KIF17: variants seen among roughly 807,000 people sequenced by gnomAD.
KIF17 encodes kinesin-like protein KIF17.
KIF17 carries 80 observed loss-of-function variants against 96.8 expected under a neutral mutation model. The ratio of observed to expected loss-of-function variants is 0.83; its 90% CI spans 0.69 to 1.00. The LOEUF (loss-of-function observed/expected upper bound fraction) is 1.00. Ranked by LOEUF, KIF17 falls within the 50% of genes least tolerant of loss-of-function variation. The probability of loss-of-function intolerance (pLI) is 0.00; values close to 1 mark genes in which losing one functional copy is unlikely to be tolerated. For missense variants in KIF17, 1,280 were observed against 1,372.9 expected (o/e 0.93, Z 1.07); for synonymous variants, 567 against 587.5 (o/e 0.97, Z 0.51).
At chr1:20,715,333 G>GT (rs1234044872) in intron 2 of KIF17, among the ~76,000 whole-genome samples, 160 bp downstream of exon 2, 2 of 152,176 alleles carry the variant, frequency 1.3e-5, no homozygotes, top group Admixed American at 6.5e-5. Flanking sequence ...TCTGTTCTAA[G>GT]TTTTTTTCCC....
rs553811083 is a variant in KIF17 at position 20,714,462 on chromosome 1, C to T, written c.379-907G>A. ...CCAAGATCGCGCCATTGCACTCCAG[C>T]CTGGGCGAAAGAGCAAGACTCCGTC... On this transcript the variant is annotated intron_variant, in intron 2 of 14. Coordinates refer to ENST00000400463, the MANE Select transcript of KIF17 (RefSeq NM_001122819.3). Among the ~76,000 whole-genome samples, 4 of 152,080 alleles carry T rather than the reference C, an allele frequency of 2.6e-5. No individual in the cohort carries two copies. The South Asian group carries it at 8.3e-4, about 32-fold the overall frequency.
chr1:20,717,410 C>A (rs962478008), intron 1 of KIF17, 66 bp downstream of exon 1: 1 of 1,577,638 alleles, frequency 6.3e-7, no homozygotes, highest in Non-Finnish European at 8.6e-7. Context: ...CAGCGCAGCC[C>A]CCTGGGGACT....
chr1:20,673,260 G>A (rs1307017780), intron 11 of KIF17, among the ~76,000 whole-genome samples: 1 of 152,034 alleles, frequency 6.6e-6, no homozygotes, highest in Admixed American at 6.6e-5. Context: ...AAAGAAGGAT[G>A]TTTGAATTCA....
Position 20,690,200 on chromosome 1 carries a change from G to A in KIF17, c.1369C>T (p.Arg457Trp), listed in dbSNP as rs746302711. The change falls in exon 7 of 15, where the codon CGG becomes TGG. Residue 457 changes from arginine to tryptophan, a missense_variant. By Grantham distance (101) the Arg-to-Trp change is moderately radical (BLOSUM62 -3). Transcript: ENST00000400463. ...AAGGGGTGCCCACCTGTCTCCTTCC[G>A]CAGGTTCTCCTCCAGCGTGGACAGC... Reference protein sequence around the residue: ...VRLSTLEENLRKETEAVLQVG... With the variant: ...VRLSTLEENLWKETEAVLQVG... The A allele has an allele frequency of 2.0e-5, 33 of 1,614,012 alleles. No homozygotes were observed. Among genetic ancestry groups the A allele is most frequent in the Admixed American group, 6.7e-5 (4 of 60,008 alleles).
intron 12 of KIF17, 94 bp downstream of exon 12, chr1:20,671,844 A>C (rs2053652519): frequency 1.4e-6 from 2 of 1,473,896 alleles, no homozygotes; most frequent in Admixed American, 1.7e-5. Flanking sequence ...CTACACCCAC[A>C]GCCTGCAAGG....
Position 20,709,752 on chromosome 1 carries a change from TCACACTGGGC to T in KIF17, c.547_556del (p.Ala183SerfsTer17). The T allele has an allele frequency of 6.2e-7, 1 of 1,614,122 alleles. No individual in the cohort carries two copies. Among genetic ancestry groups the T allele is most frequent in the Non-Finnish European group, 8.5e-7 (1 of 1,180,030 alleles). On this transcript the variant is annotated frameshift_variant, in exon 4 of 15. Transcript: ENST00000400463. LOFTEE classifies it high-confidence loss of function. The surrounding 1 kb of genome is among the most constrained non-coding windows in gnomAD (Gnocchi z 4.7). The stretch of plus-strand genomic sequence containing the variant: ...CTTCCAGCCAGTCTCCATGATGTGC[TCACACTGGGC>T]CACGCTGTGCACCGTGTGCATGGAC...
Position 20,664,366 on chromosome 1 carries a change from T to C in KIF17, c.*218A>G. Reference sequence around the variant, plus strand: ...GTGGTATGAACAGCTGGAGCAGGCCTCTCTAAGGAGGACTATACAGCCTCC... The same window carrying C: ...GTGGTATGAACAGCTGGAGCAGGCCCCTCTAAGGAGGACTATACAGCCTCC... On this transcript the variant is annotated 3_prime_UTR_variant, in exon 15 of 15. Transcript: ENST00000400463. 1 of 1,439,430 alleles carries C rather than the reference T, an allele frequency of 6.9e-7. No homozygotes were observed. The highest frequency in any genetic ancestry group is 1.4e-5 in the African/African-American group (1 of 70,064). 89.2% of individuals were successfully genotyped at this position (1,439,430 alleles called of 1,614,324 possible).
At chr1:20,683,636 C>G (rs570482610) in intron 10 of KIF17, among the ~76,000 whole-genome samples, 59 of 152,124 alleles carry the variant, frequency 3.9e-4, no homozygotes, top group Non-Finnish European at 5.4e-4. Flanking sequence ...GCCTGAGCAA[C>G]AGAGCAAGGC....
At chr1:20,688,378 A>T (rs1277591188) in intron 7 of KIF17, among the ~76,000 whole-genome samples, 1 of 152,164 alleles carries the variant, frequency 6.6e-6, no homozygotes, top group Admixed American at 6.5e-5. Context: ...AGACCAGCTT[A>T]AGAGTCAGAG....
chr1:20,686,515 CA>C, intron 8 of KIF17: 1 of 302,382 alleles, frequency 3.3e-6, no homozygotes, highest in Non-Finnish European at 6.3e-6. Flanking sequence ...CACACACACA[CA>C]CAGAGGAAAG....
intron 9 of KIF17, 25 bp downstream of exon 9, chr1:20,686,021 C>T: frequency 2.6e-6 from 4 of 1,537,864 alleles, no homozygotes; most frequent in Non-Finnish European, 3.5e-6. Flanking sequence ...CCGTCCCCCA[C>T]ATGGAGGCCC....
At chr1:20,711,384 A>T (rs2154537637) in intron 3 of KIF17, among the ~76,000 whole-genome samples, 1 of 151,364 alleles carries the variant, frequency 6.6e-6, no homozygotes, top group East Asian at 2.0e-4. Context: ...ACCCCACTCC[A>T]CCCCCGACGC....
At chr1:20,682,970 G>A in intron 10 of KIF17, 86 bp from the exon 11 acceptor site, 1 of 1,204,774 alleles carries the variant, frequency 8.3e-7, no homozygotes. Context: ...GCTATGCGTG[G>A]GCCCCCCAGA....
At chr1:20,677,375 C>A (rs1483912549) in intron 11 of KIF17, among the ~76,000 whole-genome samples, 2 of 152,222 alleles carry the variant, frequency 1.3e-5, no homozygotes, top group African/African-American at 4.8e-5. Flanking sequence ...TTTGTCCCAG[C>A]ATCCCTAGTT....
intron 10 of KIF17, among the ~76,000 whole-genome samples, chr1:20,683,342 A>T (rs2053866932): frequency 1.3e-5 from 2 of 152,238 alleles, no homozygotes; most frequent in South Asian, 4.1e-4. Context: ...AAAAACGTTT[A>T]GAGTTTTGTC....
intron 6 of KIF17, among the ~76,000 whole-genome samples, chr1:20,696,457 A>G (rs2054140698): frequency 6.6e-6 from 1 of 152,190 alleles, no homozygotes; most frequent in African/African-American, 2.4e-5. Context: ...CGGTGGCGTC[A>G]GCCAGCACCA....
In KIF17 at chr1:20,686,237, C is replaced by A. The variant is rs115647537; in HGVS notation, c.1939-111G>T. 844 of 823,178 alleles carry A rather than the reference C, an allele frequency of 1.0e-3. 10 individuals are homozygous for A. The African/African-American group carries it at 0.013, about 13-fold the overall frequency. The allele number at this position is 823,178 out of a possible 1,614,324, so 51.0% of individuals were successfully genotyped here. On this transcript the variant is annotated intron_variant, in intron 8 of 14. Coordinates refer to ENST00000400463, the MANE Select transcript of KIF17 (RefSeq NM_001122819.3). ...ACTCCCCAAGGCCTCCCACCACCCC[C>A]CAACCTCCCCTGCCTGTCACTCCCG...
chr1:20,684,616 T>C (rs1430708356), intron 10 of KIF17, among the ~76,000 whole-genome samples, 193 bp downstream of exon 10: 3 of 152,284 alleles, frequency 2.0e-5, no homozygotes, highest in Admixed American at 2.0e-4. Context: ...CAAGGGATGC[T>C]GGTGGCAGCC....
At chr1:20,702,836 G>A (rs1279499453) in intron 5 of KIF17, among the ~76,000 whole-genome samples, 5 of 152,188 alleles carry the variant, frequency 3.3e-5, no homozygotes, top group Admixed American at 6.5e-5. Context: ...CTGCCCTAGA[G>A]TGTGTCTCGT....
Sources: gnomAD v4.1 joint callset for allele counts (sites outside exome capture counted in the v4.1 genomes callset) on GRCh38, gnomAD v4.1.1 for gene constraint, Gnocchi (gnomAD v3.1) non-coding constraint, MANE v1.5 for transcripts, NCBI Gene and HGNC (gene_info 2026-07-23, HGNC 2026-07-21) for gene names.